LRP2: variants seen among roughly 807,000 people sequenced by gnomAD.
LRP2 encodes LDL receptor related protein 2, also known as low-density lipoprotein receptor-related protein 2.
A neutral mutation model predicts 531.0 loss-of-function variants in LRP2; 172 were observed. The observed-to-expected ratio is 0.32, with a 90% CI of 0.29 to 0.37. LRP2 has a LOEUF of 0.37. Among genes scored for constraint, LRP2 ranks in the 10% least tolerant of loss-of-function variants. LRP2 has a pLI of 1.00. For synonymous variants in LRP2, 1,992 were observed against 2,027.6 expected (o/e 0.98, Z 0.47); for missense variants, 5,167 against 5,868.3 (o/e 0.88, Z 3.90).
At chr2:169,308,717 T>C (rs1684499575) in intron 3 of LRP2, among the ~76,000 whole-genome samples, 1 of 152,202 alleles carries the variant, frequency 6.6e-6, no homozygotes, top group Non-Finnish European at 1.5e-5. Flanking sequence ...GCATGATTTA[T>C]AATCCTTTGG....
At chr2:169,190,049 C>T (rs919846553) in intron 48 of LRP2, among the ~76,000 whole-genome samples, 2 of 152,150 alleles carry the variant, frequency 1.3e-5, no homozygotes, top group African/African-American at 4.8e-5. Context: ...TGCTACCATT[C>T]TTGTGCCTAG....
intron 26 of LRP2, among the ~76,000 whole-genome samples, chr2:169,238,985 A>T (rs1265811132): frequency 6.6e-6 from 1 of 152,166 alleles, no homozygotes; most frequent in African/African-American, 2.4e-5. Context: ...GGAGCATTGG[A>T]ACCCTTGATG....
intron 2 of LRP2, among the ~76,000 whole-genome samples, chr2:169,319,133 C>T (rs1490872233): frequency 1.3e-5 from 2 of 152,150 alleles, no homozygotes; most frequent in African/African-American, 4.8e-5. Context: ...AAACAAACAG[C>T]ACACATACAC....
In LRP2 at chr2:169,170,741, T is replaced by G. The variant is rs1686967010; in HGVS notation, c.11264-74A>C. The G allele has an allele frequency of 3.7e-6, 4 of 1,073,194 alleles. No homozygotes were observed. The African/African-American group carries it at 6.2e-5, about 17-fold the overall frequency. The allele number at this position is 1,073,194 out of a possible 1,614,324, so 66.5% of individuals were successfully genotyped here. A position where few individuals can be genotyped will look rare whatever the true frequency, so the allele number is the denominator to read the frequency against. ...CAGGAGACATCTTGTGAGCTGACCA[T>G]AGTGCCCTGGGTGCCCAGCACCCTC... On this transcript the variant is annotated intron_variant, in intron 58 of 78. Coordinates refer to ENST00000649046, the MANE Select transcript of LRP2 (RefSeq NM_004525.3).
intron 16 of LRP2, among the ~76,000 whole-genome samples, chr2:169,262,044 AC>A (rs1486252564): frequency 5.3e-5 from 8 of 152,000 alleles, no homozygotes; most frequent in Admixed American, 2.0e-4. Context: ...AAAGTCAACA[AC>A]CCTTCATGCT....
chr2:169,306,994 T>C (rs1307662842), intron 4 of LRP2, among the ~76,000 whole-genome samples: 2 of 152,262 alleles, frequency 1.3e-5, no homozygotes, highest in African/African-American at 4.8e-5. Context: ...GTACTCAATG[T>C]ATTTAATTAT....
intron 31 of LRP2, among the ~76,000 whole-genome samples, chr2:169,226,827 T>G (rs1221559891): frequency 6.6e-6 from 1 of 152,138 alleles, no homozygotes. Context: ...TCAAGGCAGG[T>G]TGGTATTTAT....
intron 33 of LRP2, 77 bp from the exon 34 acceptor site, chr2:169,220,640 G>T (rs1688958747): frequency 1.1e-6 from 1 of 941,336 alleles, no homozygotes. Flanking sequence ...GAGAACTTAT[G>T]TACAAAACAA....
chr2:169,237,899 G>A lies in LRP2; in HGVS notation c.4506+192C>T, dbSNP rs78509644. ...TCAGAATCACACATCTGCATTCAGAGGCCACCCTCCTATCTAAAACAGCCA... is the reference window on the plus strand; with the variant it reads ...TCAGAATCACACATCTGCATTCAGAAGCCACCCTCCTATCTAAAACAGCCA... On this transcript the variant is annotated intron_variant, in intron 27 of 78. Transcript: ENST00000649046. Among the ~76,000 whole-genome samples, 256 of 152,220 alleles carry A rather than the reference G, an allele frequency of 1.7e-3. 1 individual carries two copies. The highest frequency in any genetic ancestry group is 5.4e-3 in the African/African-American group (224 of 41,518).
rs1436494910 is a variant in LRP2, at chr2:169,173,920, G to A, written c.11013C>T (p.Cys3671=). ...CTTGGTCCTCCCACAGGAACTTACT[G>A]CATTCTTCAATGGGCTCATCCGAGT... The part of the protein sequence containing the change: ...GDHSDEPIEE[C]MSSAHLCDNF... The change falls in exon 56 of 79, where the codon TGC becomes TGT. Residue 3671 remains cysteine (C), a splice_region_variant and synonymous_variant. Coordinates refer to ENST00000649046, the MANE Select transcript of LRP2 (RefSeq NM_004525.3). 6.2e-7 allele frequency: 1 copy of A among 1,614,070 alleles called. No individual in the cohort carries two copies. Among genetic ancestry groups the A allele is most frequent in the Admixed American group, 1.7e-5 (1 of 60,030 alleles).
At chr2:169,308,171 GA>G (rs1438391515) in intron 3 of LRP2, among the ~76,000 whole-genome samples, 3 of 151,902 alleles carry the variant, frequency 2.0e-5, no homozygotes, top group African/African-American at 7.3e-5. Context: ...CCTAATGGAA[GA>G]AAAAAGATTT....
At chr2:169,328,013 T>TGG (rs1216309404) in intron 1 of LRP2, among the ~76,000 whole-genome samples, 1 of 28,794 alleles carries the variant, frequency 3.5e-5, no homozygotes, top group African/African-American at 1.5e-4. Flanking sequence ...GGGAGGGAGG[T>TGG]GGGGGGGGGT....
intron 69 of LRP2, 25 bp downstream of exon 69, chr2:169,146,714 T>G (rs541915322): frequency 6.6e-7 from 1 of 1,512,000 alleles, no homozygotes; most frequent in African/African-American, 1.4e-5. Flanking sequence ...TAATTTAATA[T>G]ATTACTTTCT....
intron 16 of LRP2, among the ~76,000 whole-genome samples, chr2:169,268,302 A>C (rs545537037): frequency 5.3e-5 from 8 of 151,756 alleles, no homozygotes; most frequent in South Asian, 2.1e-4. Flanking sequence ...GAGACACAAC[A>C]AAAAAAGAGA....
At chr2:169,293,441 C>T (rs969680146) in intron 6 of LRP2, among the ~76,000 whole-genome samples, 28 of 152,030 alleles carry the variant, frequency 1.8e-4, no homozygotes, top group African/African-American at 6.5e-4. Context: ...TTTGGGAGGC[C>T]GAGGCGGGCG....
chr2:169,170,610 G>A lies in LRP2; in HGVS notation c.11321C>T (p.Ser3774Leu), dbSNP rs754542131. The A allele has an allele frequency of 1.9e-5, 31 of 1,614,014 alleles. No homozygotes were observed. Among genetic ancestry groups the A allele is most frequent in the East Asian group, 1.8e-4 (8 of 44,892 alleles). The change falls in exon 59 of 79, where the codon TCG (serine) becomes TTG (leucine). Residue 3774 changes from serine (S) to leucine (L), a missense_variant. Around this residue, in one of 6 missense-constraint regions of LRP2, gnomAD observed 564 missense variants for 747.7 expected, o/e 0.75. Coordinates refer to ENST00000649046, the MANE Select transcript of LRP2 (RefSeq NM_004525.3). ...GTTGTAATGGTCACAGATCCATCGC[G>A]AGGGAATGCACTGCTGATTGACACA... ...FRCVNQQCIP[S>L]RWICDHYNDC...
Position 169,201,620 on chromosome 2 carries a change from A to T in LRP2, c.8452+8T>A, listed in dbSNP as rs1228963060. On this transcript the variant is annotated splice_region_variant and intron_variant, in intron 44 of 78. Coordinates refer to ENST00000649046, the MANE Select transcript of LRP2 (RefSeq NM_004525.3). Reference sequence around the variant, plus strand: ...CAAAATCACAATAAGCACTTAAGATAAACTTACGGCAATTTTTCTCATCTG... The same window carrying T: ...CAAAATCACAATAAGCACTTAAGATTAACTTACGGCAATTTTTCTCATCTG... The T allele has an allele frequency of 6.2e-7, 1 of 1,614,060 alleles. No homozygotes were observed. The highest frequency in any genetic ancestry group is 1.7e-5 in the Admixed American group (1 of 60,004).
chr2:169,199,380 ATG>A (rs997778243), intron 44 of LRP2, among the ~76,000 whole-genome samples: 24 of 151,898 alleles, frequency 1.6e-4, no homozygotes, highest in Admixed American at 1.1e-3. Context: ...ATATAAGTGT[ATG>A]TGTGTGTGTG....
chr2:169,219,538 AC>A (rs1688913294), intron 34 of LRP2, among the ~76,000 whole-genome samples: 1 of 152,140 alleles, frequency 6.6e-6, no homozygotes, highest in Admixed American at 6.5e-5. Flanking sequence ...TTTTTCTAAA[AC>A]ACAAATTTGG....
Sources: gnomAD v4.1 joint callset for allele counts (sites outside exome capture counted in the v4.1 genomes callset) on GRCh38, gnomAD v4.1.1 for gene constraint, gnomAD v4.1.1 regional missense constraint, MANE v1.5 for transcripts, NCBI Gene and HGNC (gene_info 2026-07-23, HGNC 2026-07-21) for gene names.